Variants in CPVL observed in about 807,000 individuals in gnomAD.
CPVL encodes the protein carboxypeptidase vitellogenic like, also known as probable serine carboxypeptidase CPVL.
Under a neutral mutation model 63.7 loss-of-function variants are expected in CPVL, and 51 were observed. That is an observed-to-expected ratio of 0.80 (90% CI 0.64 to 1.01). The LOEUF (loss-of-function observed/expected upper bound fraction) is 1.01. Ranked by LOEUF, CPVL falls within the 50% of genes least tolerant of loss-of-function variation. CPVL has a pLI of 0.00. For synonymous variants in CPVL, 195 were observed against 206.0 expected, an observed-to-expected ratio of 0.95 and a Z score of 0.46; for missense variants, 530 against 573.1, an observed-to-expected ratio of 0.92 and a Z score of 0.77.
At chr7:29,167,733 A>G (rs552087571) in intron 5 of CPVL, among the ~76,000 whole-genome samples, 1 of 152,334 alleles carries the variant, frequency 6.6e-6, no homozygotes, top group South Asian at 2.1e-4. Context: ...CATCTGTGAA[A>G]GTCATTTGTT....
rs999906740 is a variant in CPVL at position 29,168,513 on chromosome 7, C to T, written c.-11+12777G>A. ...TGTAATCTCTACCCATTCCTCCCAC[C>T]CCTGGATTATTTTGAAGAAAATGCC... On this transcript the variant is annotated intron_variant, in intron 5 of 16. Transcript: ENST00000409850. Among the ~76,000 whole-genome samples, 12 of 152,282 alleles carry T rather than the reference C, an allele frequency of 7.9e-5. No homozygotes were observed. The South Asian group carries it at 1.0e-3, about 13-fold the overall frequency.
chr7:29,083,853 G>A (rs1035275213), intron 7 of CPVL, among the ~76,000 whole-genome samples: 2 of 151,992 alleles, frequency 1.3e-5, no homozygotes, highest in East Asian at 3.9e-4. Flanking sequence ...GGCCTTTCCT[G>A]AGGATCCCAC....
At chr7:29,085,413 C>A (rs935886196) in intron 7 of CPVL, among the ~76,000 whole-genome samples, 1 of 152,192 alleles carries the variant, frequency 6.6e-6, no homozygotes, top group Admixed American at 6.5e-5. Flanking sequence ...AAATAACAAT[C>A]TGTGAATCCA....
intron 5 of CPVL, among the ~76,000 whole-genome samples, chr7:29,176,415 A>G (rs2128734336): frequency 1.3e-5 from 2 of 152,300 alleles, no homozygotes; most frequent in East Asian, 1.9e-4. Context: ...TGGACTTCTT[A>G]TTGGCAGGAA....
intron 7 of CPVL, among the ~76,000 whole-genome samples, chr7:29,074,191 C>A (rs1053122794): frequency 5.9e-5 from 9 of 152,180 alleles, no homozygotes; most frequent in African/African-American, 1.9e-4. Context: ...AAAACAATAT[C>A]ATTTATGTAA....
chr7:29,093,459 T>C (rs1423831461), intron 5 of CPVL, among the ~76,000 whole-genome samples: 2 of 151,954 alleles, frequency 1.3e-5, no homozygotes, highest in African/African-American at 4.8e-5. Flanking sequence ...CTTCTTCTTC[T>C]TCCTCCTCCT....
chr7:29,047,258 T>C (rs571411299), intron 11 of CPVL, among the ~76,000 whole-genome samples: 2 of 152,284 alleles, frequency 1.3e-5, no homozygotes, highest in South Asian at 4.1e-4. Context: ...AGTTTCAGAA[T>C]GGTTGGAAAA....
intron 12 of CPVL, among the ~76,000 whole-genome samples, chr7:28,998,852 C>T (rs936093783): frequency 2.6e-5 from 4 of 151,636 alleles, no homozygotes; most frequent in African/African-American, 9.7e-5. Flanking sequence ...CTAAACTACC[C>T]TAGAACATGG....
At chr7:29,005,304 A>G (rs993057061) in intron 12 of CPVL, among the ~76,000 whole-genome samples, 1 of 152,116 alleles carries the variant, frequency 6.6e-6, no homozygotes, top group African/African-American at 2.4e-5. Flanking sequence ...CAAACAGAGT[A>G]TTTTTTTCCC....
rs552750199 is a variant in CPVL, at chr7:29,039,765, A to G, written c.1138-9006T>C. ...ATTAGGAAAATTACAGAAATACCAGAGAAGGAGGCTTTGGTATCTCAGCAC... is the reference window on the plus strand; with the variant it reads ...ATTAGGAAAATTACAGAAATACCAGGGAAGGAGGCTTTGGTATCTCAGCAC... On this transcript the variant is annotated intron_variant, in intron 11 of 12. Transcript: ENST00000265394. Among the ~76,000 whole-genome samples the G allele has an allele frequency of 2.0e-5, 3 of 152,322 alleles. No homozygotes were observed. The East Asian group carries it at 5.8e-4, about 29-fold the overall frequency.
chr7:29,059,241 A>G (rs1468506803), intron 11 of CPVL, among the ~76,000 whole-genome samples: 2 of 152,128 alleles, frequency 1.3e-5, no homozygotes, highest in Non-Finnish European at 2.9e-5. Context: ...GATCTCTAAC[A>G]GTTCCTTTTG....
intron 3 of CPVL, among the ~76,000 whole-genome samples, chr7:29,100,078 T>C (rs535685775): frequency 1.3e-5 from 2 of 152,320 alleles, no homozygotes; most frequent in Non-Finnish European, 2.9e-5. Context: ...CTTCCACTTG[T>C]ATTCACTCAG....
intron 12 of CPVL, among the ~76,000 whole-genome samples, chr7:29,022,849 C>T (rs1308866061): frequency 6.6e-6 from 1 of 152,240 alleles, no homozygotes; most frequent in African/African-American, 2.4e-5. Context: ...GACAGGCCTC[C>T]CCAGCCTGCC....
chr7:29,137,335 G>A (rs1791337972), intron 1 of CPVL, among the ~76,000 whole-genome samples: 1 of 152,154 alleles, frequency 6.6e-6, no homozygotes, highest in South Asian at 2.1e-4. Flanking sequence ...GCTTGAGGAG[G>A]TGGTGTCTGA....
In CPVL at chr7:29,106,682, A is replaced by C. The variant is rs185360995; in HGVS notation, c.288+6022T>G. 1.9e-3 allele frequency among the ~76,000 whole-genome samples: 288 copies of C among 152,278 alleles called. 1 individual carries two copies. The highest frequency in any genetic ancestry group is 6.3e-3 in the African/African-American group (262 of 41,556). ...GAATTGGAGCTGAGAGGCAAAAAAA[A>C]ACAAAAATTAAAAGTAGCTCGCATA... On this transcript the variant is annotated intron_variant, in intron 3 of 12. Coordinates refer to ENST00000265394, the MANE Select transcript of CPVL (RefSeq NM_031311.5).
At chr7:29,154,490 T>G (rs1794062343) in intron 5 of CPVL, among the ~76,000 whole-genome samples, 1 of 152,162 alleles carries the variant, frequency 6.6e-6, no homozygotes, top group Non-Finnish European at 1.5e-5. Context: ...TGACACTTCT[T>G]ATACTCTAGA....
chr7:29,138,391 G>A (rs536768260), intron 1 of CPVL, among the ~76,000 whole-genome samples: 4 of 152,346 alleles, frequency 2.6e-5, no homozygotes, highest in Admixed American at 2.0e-4. Flanking sequence ...AGTGATCCAA[G>A]ACCACGCTGC....
upstream of CPVL, chr7:29,147,156 C>T: frequency 5.5e-6 from 4 of 726,978 alleles, no homozygotes; most frequent in Non-Finnish European, 6.6e-6. Context: ...TAGCCACCAC[C>T]AGGTGCTGGG....
chr7:29,052,991 G>C (rs1790353422), intron 11 of CPVL, among the ~76,000 whole-genome samples: 1 of 152,046 alleles, frequency 6.6e-6, no homozygotes, highest in Non-Finnish European at 1.5e-5. Flanking sequence ...CCAATTAATA[G>C]GCAAAGTATT....
Sources: allele counts gnomAD v4.1 joint callset (sites outside exome capture counted in the v4.1 genomes callset), GRCh38; gene constraint gnomAD v4.1.1; transcripts MANE v1.5; gene names NCBI Gene and HGNC (gene_info 2026-07-23, HGNC 2026-07-21).